Variants in ANO6 observed in about 807,000 individuals in gnomAD.
The protein encoded by ANO6 is anoctamin 6.
Under a neutral mutation model 117.5 loss-of-function variants are expected in ANO6, and 106 were observed. The observed-to-expected ratio is 0.90, with a 90% CI of 0.77 to 1.06. The LOEUF (loss-of-function observed/expected upper bound fraction) is 1.06, where lower values mean the gene tolerates loss of function less well. ANO6 is among the 50% of genes least tolerant of loss of function. The pLI is 0.00. For missense variants in ANO6, 955 were observed against 1,121.1 expected, an observed-to-expected ratio of 0.85 and a Z score of 2.12; for synonymous variants, 367 against 385.1, an observed-to-expected ratio of 0.95 and a Z score of 0.55.
chr12:45,338,355 G>A (rs1204340555), intron 3 of ANO6, among the ~76,000 whole-genome samples: 1 of 152,022 alleles, frequency 6.6e-6, no homozygotes, highest in Non-Finnish European at 1.5e-5. Context: ...CAGAAGGTGA[G>A]GGGCACTATG....
chr12:45,357,743 A>T (rs1941451060), intron 8 of ANO6, among the ~76,000 whole-genome samples: 1 of 152,344 alleles, frequency 6.6e-6, no homozygotes, highest in Non-Finnish European at 1.5e-5. Flanking sequence ...AGAGGAATGT[A>T]CACTCAGCCC....
intron 1 of ANO6, among the ~76,000 whole-genome samples, chr12:45,279,526 G>C (rs1314028520): frequency 6.6e-6 from 1 of 152,110 alleles, no homozygotes; most frequent in Non-Finnish European, 1.5e-5. Flanking sequence ...TTGTTTACAA[G>C]GCATTTGATC....
At chr12:45,365,633 C>T (rs1283466601) in intron 8 of ANO6, among the ~76,000 whole-genome samples, 1 of 152,080 alleles carries the variant, frequency 6.6e-6, no homozygotes, top group Non-Finnish European at 1.5e-5. Context: ...ACTTCTTCCC[C>T]CTTCAGTGGC....
intron 19 of ANO6, among the ~76,000 whole-genome samples, chr12:45,424,898 A>G (rs945693782): frequency 6.6e-6 from 1 of 152,156 alleles, no homozygotes; most frequent in Non-Finnish European, 1.5e-5. Context: ...AGATCAAGCT[A>G]ATCAAATATG....
At chr12:45,339,400 A>T (rs1940916076) in intron 3 of ANO6, among the ~76,000 whole-genome samples, 1 of 152,110 alleles carries the variant, frequency 6.6e-6, no homozygotes, top group South Asian at 2.1e-4. Flanking sequence ...TAATTAATAG[A>T]ATAGTTATCT....
chr12:45,216,168 G>C lies in ANO6; in HGVS notation c.-154G>C. 2.4e-6 allele frequency: 2 copies of C among 845,160 alleles called. No homozygotes were observed. Among genetic ancestry groups the C allele is most frequent in the African/African-American group, 1.7e-5 (1 of 57,746 alleles). 52.4% of individuals were successfully genotyped at this position (845,160 alleles called of 1,614,324 possible). A position where few individuals can be genotyped will look rare whatever the true frequency, so the allele number is the denominator to read the frequency against. On this transcript the variant is annotated 5_prime_UTR_variant, in exon 1 of 20. Transcript: ENST00000320560. ...CTCCGGTCGGTGGGTGCCTCGGCTC[G>C]GCTTTCCCCGGCGCTGGCTGGGCTC...
At chr12:45,398,708 T>C (rs1025326787) in intron 12 of ANO6, among the ~76,000 whole-genome samples, 4 of 152,184 alleles carry the variant, frequency 2.6e-5, no homozygotes, top group African/African-American at 9.6e-5. Context: ...AGTATGGTCA[T>C]GAAGATTTTT....
At chr12:45,343,690 G>A (rs1333779266) in intron 3 of ANO6, among the ~76,000 whole-genome samples, 1 of 152,124 alleles carries the variant, frequency 6.6e-6, no homozygotes, top group African/African-American at 2.4e-5. Context: ...TCTCCTGATG[G>A]GTTAGATAAA....
chr12:45,236,723 T>C (rs1947651187), intron 1 of ANO6, among the ~76,000 whole-genome samples: 1 of 152,256 alleles, frequency 6.6e-6, no homozygotes, highest in Non-Finnish European at 1.5e-5. Flanking sequence ...GAATGATTTA[T>C]AATCCTTTGG....
rs560640747 is a variant in ANO6 at position 45,429,517 on chromosome 12, T to C, written c.*206T>C. ...TAGATCATGAAGGGCATAAAACTTA[T>C]CACCCGGAAAACCTCAATGTTACCT... On this transcript the variant is annotated 3_prime_UTR_variant, in exon 20 of 20. Transcript: ENST00000320560. 2 of 1,382,474 alleles carry C rather than the reference T, an allele frequency of 1.4e-6. No individual in the cohort carries two copies. The highest frequency in any genetic ancestry group is 3.1e-5 in the South Asian group (2 of 63,772). 85.6% of individuals were successfully genotyped at this position (1,382,474 alleles called of 1,614,324 possible).
intron 1 of ANO6, among the ~76,000 whole-genome samples, chr12:45,257,451 T>C (rs1937875611): frequency 6.6e-6 from 1 of 152,220 alleles, no homozygotes; most frequent in South Asian, 2.1e-4. Flanking sequence ...TAGTTCACAG[T>C]TGAACTTGTT....
At position 45,238,465 on chromosome 12, in the gene ANO6, C is replaced by G. The variant is rs187341740; in HGVS notation, c.70+22074C>G. ...TGTGCTTGGCTGATGGTAGGGTTTTCTAAATATACAATCATGTCATCTACA... is the reference window on the plus strand; with the variant it reads ...TGTGCTTGGCTGATGGTAGGGTTTTGTAAATATACAATCATGTCATCTACA... On this transcript the variant is annotated intron_variant, in intron 1 of 19. Transcript: ENST00000320560. Among the ~76,000 whole-genome samples, 1,441 of 152,092 alleles carry G rather than the reference C, an allele frequency of 9.5e-3. 24 individuals are homozygous for G. Among genetic ancestry groups the G allele is most frequent in the African/African-American group, 0.033 (1,356 of 41,486 alleles).
At chr12:45,256,748 T>C (rs561368855) in intron 1 of ANO6, 5 of 152,354 alleles carry the variant, frequency 3.3e-5, no homozygotes, top group African/African-American at 1.2e-4. Context: ...AATAGATTGT[T>C]CTATTATCAT....
intron 2 of ANO6, among the ~76,000 whole-genome samples, chr12:45,310,409 A>G (rs1181184786): frequency 2.6e-5 from 4 of 152,070 alleles, no homozygotes; most frequent in Non-Finnish European, 4.4e-5. Context: ...GAAAGTCCTG[A>G]GTAAGTGAGT....
intron 1 of ANO6, among the ~76,000 whole-genome samples, chr12:45,263,367 CTTTTTTTTT>C (rs72457782): frequency 2.5e-5 from 2 of 79,178 alleles, no homozygotes; most frequent in African/African-American, 5.0e-5. Context: ...CTGGCCTGGC[CTTTTTTTTT>C]TTTTTTTTTT....
chr12:45,232,803 C>T lies in ANO6; in HGVS notation c.70+16412C>T, dbSNP rs535111993. Among the ~76,000 whole-genome samples the T allele has an allele frequency of 3.9e-5, 6 of 152,280 alleles. 1 individual carries two copies. In the South Asian group the frequency reaches 6.2e-4, roughly 16 times the overall value. On this transcript the variant is annotated intron_variant, in intron 1 of 19. Transcript: ENST00000320560. ...CCCTGGGTTGGAAGGCAACAAAACT[C>T]GGTCAGTCACCCCAGTTCTCTTCAT...
Position 45,302,028 on chromosome 12 carries a change from G to A in ANO6, c.85G>A (p.Gly29Arg). ...DDGDIVLENL[G>R]QTIVPDLGSL... is the part of the protein sequence containing the mutation. ...TTCGTTTTTAGTGTTGGAAAACCTT[G>A]GACAGACAATTGTCCCCGATTTGGG... The change falls in exon 2 of 20, where the codon GGA becomes AGA. Residue 29 changes from glycine (G) to arginine (R), a missense_variant. Physicochemically the swap from Gly to Arg is moderately radical, Grantham distance 125 (BLOSUM62 -2). Coordinates refer to ENST00000320560, the MANE Select transcript of ANO6 (RefSeq NM_001025356.3). 1 of 1,613,890 alleles carries A rather than the reference G, an allele frequency of 6.2e-7. No individual in the cohort carries two copies. Among genetic ancestry groups the A allele is most frequent in the Non-Finnish European group, 8.5e-7 (1 of 1,179,878 alleles).
chr12:45,347,585 T>C (rs76239410), intron 4 of ANO6: 2,951 of 182,318 alleles, frequency 0.016, 67 homozygotes, highest in East Asian at 0.091. Flanking sequence ...TTTATGTCAA[T>C]AAATATAATT....
Position 45,428,191 on chromosome 12 carries a change from T to A in ANO6, c.2527-914T>A, listed in dbSNP as rs565854758. ...ACAGCATTTTTCCTAAAACAAAAAC[T>A]GGAAACAACCTCAATGCCTGTTCAT... On this transcript the variant is annotated intron_variant, in intron 19 of 19. Coordinates refer to ENST00000320560, the MANE Select transcript of ANO6 (RefSeq NM_001025356.3). 8.5e-4 allele frequency among the ~76,000 whole-genome samples: 130 copies of A among 152,288 alleles called. 2 individuals carry two copies. The highest frequency in any genetic ancestry group is 3.1e-3 in the African/African-American group (129 of 41,544).
Sources: gnomAD v4.1 joint callset for allele counts (sites outside exome capture counted in the v4.1 genomes callset) on GRCh38, gnomAD v4.1.1 for gene constraint, MANE v1.5 for transcripts, NCBI Gene and HGNC (gene_info 2026-07-23, HGNC 2026-07-21) for gene names.